PSMD14: variants seen among roughly 807,000 people sequenced by gnomAD.
The protein encoded by PSMD14 is ubiquitin C-terminal hydrolase PSMD14.
In PSMD14, 7 loss-of-function variants were observed where a neutral mutation model predicts 41.2. The ratio of observed to expected loss-of-function variants is 0.17; its 90% CI spans 0.10 to 0.32. The LOEUF (loss-of-function observed/expected upper bound fraction) is 0.32, where lower values mean the gene tolerates loss of function less well. PSMD14 is among the 10% of genes least tolerant of loss of function. PSMD14 has a pLI of 1.00. For missense variants in PSMD14, 139 were observed against 375.6 expected (o/e 0.37, Z 5.21); for synonymous variants, 114 against 122.3 (o/e 0.93, Z 0.45).
In PSMD14 at chr2:161,391,157, GA is replaced by G. The variant is rs1397637472; in HGVS notation, c.629del (p.Asn210MetfsTer9). 4.6e-6 allele frequency: 7 copies of G among 1,531,970 alleles called. No homozygotes were observed. The highest frequency in any genetic ancestry group is 5.3e-6 in the Non-Finnish European group (6 of 1,137,052). 94.9% of individuals were successfully genotyped at this position (1,531,970 alleles called of 1,614,324 possible). A position where few individuals can be genotyped will look rare whatever the true frequency, so the allele number is the denominator to read the frequency against. On this transcript the variant is annotated frameshift_variant, in exon 9 of 12. Coordinates refer to ENST00000409682, the MANE Select transcript of PSMD14 (RefSeq NM_005805.6). LOFTEE classifies it high-confidence loss of function. ...HYYSITINYRKNELEQKMLLN... is the reference protein window; with the variant it reads ...HYYSITINYRXNELEQKMLLN... ...ATTACTCCATTACTATTAACTATCGGAAAAATGAACTGGAACAGAAGGTAAG... is the reference window on the plus strand; with the variant it reads ...ATTACTCCATTACTATTAACTATCGGAAAATGAACTGGAACAGAAGGTAAG...
intron 3 of PSMD14, among the ~76,000 whole-genome samples, chr2:161,339,546 T>C (rs938107758): frequency 6.7e-6 from 1 of 149,172 alleles, no homozygotes; most frequent in Non-Finnish European, 1.5e-5. Flanking sequence ...TTTATTGGAC[T>C]GAACAAAGGC....
intron 7 of PSMD14, among the ~76,000 whole-genome samples, chr2:161,379,445 T>C (rs1465627249): frequency 6.6e-6 from 1 of 152,038 alleles, no homozygotes; most frequent in African/African-American, 2.4e-5. Flanking sequence ...CTATACACTT[T>C]CTTATTGTAA....
chr2:161,331,795 A>T (rs1167886814), intron 3 of PSMD14, among the ~76,000 whole-genome samples: 2 of 152,198 alleles, frequency 1.3e-5, no homozygotes, highest in African/African-American at 4.8e-5. Context: ...AGCAGAGGAG[A>T]GCCAAAAGGA....
intron 6 of PSMD14, 142 bp from the exon 7 acceptor site, chr2:161,371,030 C>G: frequency 1.2e-6 from 1 of 869,352 alleles, no homozygotes; most frequent in South Asian, 2.0e-5. Context: ...TGTACAATTT[C>G]AGGGTTTCTA....
intron 3 of PSMD14, among the ~76,000 whole-genome samples, chr2:161,324,497 G>C (rs780923593): frequency 6.6e-6 from 1 of 152,164 alleles, no homozygotes; most frequent in Non-Finnish European, 1.5e-5. Context: ...CTAGAGAATA[G>C]ATACATAAGA....
chr2:161,334,361 A>AT (rs895004961), intron 3 of PSMD14, among the ~76,000 whole-genome samples: 7 of 151,776 alleles, frequency 4.6e-5, no homozygotes, highest in Non-Finnish European at 4.4e-5. Context: ...AAATTATGTA[A>AT]TTTTTTTTGA....
intron 3 of PSMD14, among the ~76,000 whole-genome samples, chr2:161,355,895 A>G (rs1004405914): frequency 3.9e-5 from 6 of 152,194 alleles, no homozygotes; most frequent in African/African-American, 7.2e-5. Flanking sequence ...TCTAAACACT[A>G]TCTCCTCTAT....
At chr2:161,368,212 A>ATTTTTTTTTTTTTTTTTTTTTTTTTT (rs1311916724) in intron 5 of PSMD14, among the ~76,000 whole-genome samples, 1 of 151,804 alleles carries the variant, frequency 6.6e-6, no homozygotes, top group South Asian at 2.1e-4. Context: ...TGTTAGTTTG[A>ATTTTTTTTTTTTTTTTTTTTTTTTTT]TTTTGAACCA....
chr2:161,399,322 CAACT>C (rs1683844024), intron 10 of PSMD14, among the ~76,000 whole-genome samples: 2 of 152,028 alleles, frequency 1.3e-5, no homozygotes, highest in Admixed American at 1.3e-4. Context: ...CATAAAATAA[CAACT>C]AACATTTACT....
intron 1 of PSMD14, among the ~76,000 whole-genome samples, chr2:161,311,382 T>C (rs540893142): frequency 6.6e-6 from 1 of 152,254 alleles, no homozygotes; most frequent in South Asian, 2.1e-4. Flanking sequence ...CTAAGCAATA[T>C]AGTATAACTA....
intron 10 of PSMD14, among the ~76,000 whole-genome samples, chr2:161,398,471 G>C (rs1241576580): frequency 2.0e-5 from 3 of 151,824 alleles, no homozygotes; most frequent in Non-Finnish European, 4.4e-5. Context: ...TCTAATTACT[G>C]AACCACAACA....
chr2:161,409,012 T>G, intron 11 of PSMD14, 113 bp downstream of exon 11: 1 of 774,142 alleles, frequency 1.3e-6, no homozygotes, highest in Non-Finnish European at 2.0e-6. Flanking sequence ...GTTTTTCTTC[T>G]GTCATGTAAA....
chr2:161,348,271 A>T (rs1255880173), intron 3 of PSMD14, among the ~76,000 whole-genome samples: 1 of 152,222 alleles, frequency 6.6e-6, no homozygotes, highest in Non-Finnish European at 1.5e-5. Flanking sequence ...AAAGGGCTAG[A>T]TAGTAAATAT....
At chr2:161,353,761 TTTC>T (rs1683152866) in intron 3 of PSMD14, among the ~76,000 whole-genome samples, 1 of 152,218 alleles carries the variant, frequency 6.6e-6, no homozygotes, top group South Asian at 2.1e-4. Flanking sequence ...GGGCAGGGAC[TTTC>T]CTACTTGTGT....
At chr2:161,379,496 C>G (rs559531051) in intron 7 of PSMD14, among the ~76,000 whole-genome samples, 2 of 152,138 alleles carry the variant, frequency 1.3e-5, no homozygotes, top group African/African-American at 4.8e-5. Flanking sequence ...AAGCGTCACT[C>G]TCTAATTTCC....
chr2:161,391,009 T>G (rs1574139538), intron 8 of PSMD14, 95 bp from the exon 9 acceptor site: 1 of 1,146,712 alleles, frequency 8.7e-7, no homozygotes. Context: ...TAGAGGATGG[T>G]ACAGGTATTA....
intron 3 of PSMD14, among the ~76,000 whole-genome samples, chr2:161,358,898 A>G (rs1481583730): frequency 2.0e-5 from 3 of 152,236 alleles, no homozygotes; most frequent in African/African-American, 7.2e-5. Flanking sequence ...CATCTAGCAC[A>G]TGAAGTATCT....
Position 161,371,156 on chromosome 2 carries a change from G to A in PSMD14, c.312-16G>A. The A allele has an allele frequency of 6.2e-7, 1 of 1,610,812 alleles. No individual in the cohort carries two copies. Among genetic ancestry groups the A allele is most frequent in the Non-Finnish European group, 8.5e-7 (1 of 1,177,868 alleles). The stretch of plus-strand genomic sequence containing the variant: ...CTTGTTCTGTTCTGAGCATCTGAAT[G>A]CCCTCTTTGTTTCAGGCCGGAGATG... On this transcript the variant is annotated splice_polypyrimidine_tract_variant and intron_variant, in intron 6 of 11. Coordinates refer to ENST00000409682, the MANE Select transcript of PSMD14 (RefSeq NM_005805.6).
Position 161,408,824 on chromosome 2 carries a change from G to T in PSMD14, c.772-13G>T, listed in dbSNP as rs753587907. On this transcript the variant is annotated splice_polypyrimidine_tract_variant and intron_variant, in intron 10 of 11. Coordinates refer to ENST00000409682, the MANE Select transcript of PSMD14 (RefSeq NM_005805.6). ...TATAATTTTAAACTCTGTCCTTTGTGTTTCATTCACAGGCTGTAGAAGAAG... is the reference window on the plus strand; with the variant it reads ...TATAATTTTAAACTCTGTCCTTTGTTTTTCATTCACAGGCTGTAGAAGAAG... 6.3e-7 allele frequency: 1 copy of T among 1,589,258 alleles called. No homozygotes were observed. The highest frequency in any genetic ancestry group is 1.1e-5 in the South Asian group (1 of 89,200).
Sources: allele counts gnomAD v4.1 joint callset (sites outside exome capture counted in the v4.1 genomes callset), GRCh38; gene constraint gnomAD v4.1.1; transcripts MANE v1.5; gene names NCBI Gene and HGNC (gene_info 2026-07-23, HGNC 2026-07-21).